The following CELF1 variants were observed in gnomAD, a reference collection of about 807,000 sequenced individuals.
CELF1 encodes the protein CUGBP Elav-like family member 1.
In CELF1, 10 loss-of-function variants were observed where a neutral mutation model predicts 61.8. The ratio of observed to expected loss-of-function variants is 0.16; its 90% CI spans 0.10 to 0.27. The LOEUF (loss-of-function observed/expected upper bound fraction) is 0.27, where lower values mean the gene tolerates loss of function less well. Among genes scored for constraint, CELF1 ranks in the 10% least tolerant of loss-of-function variants. The pLI is 1.00. For missense variants in CELF1, 380 were observed against 639.1 expected, an observed-to-expected ratio of 0.59 and a Z score of 4.37; for synonymous variants, 236 against 225.1, an observed-to-expected ratio of 1.05 and a Z score of -0.43.
At chr11:47,496,464 G>A (rs1003418288) in intron 3 of CELF1, among the ~76,000 whole-genome samples, 2 of 152,204 alleles carry the variant, frequency 1.3e-5, no homozygotes, top group African/African-American at 4.8e-5. Context: ...AGCAATATGT[G>A]CCCTTGAGGC....
intron 13 of CELF1, among the ~76,000 whole-genome samples, chr11:47,474,375 C>T (rs1015330681): frequency 1.3e-5 from 2 of 152,318 alleles, no homozygotes; most frequent in East Asian, 1.9e-4. Flanking sequence ...GCATGACTTG[C>T]TTCCTACTTC....
At chr11:47,563,837 A>G (rs1404046311) in intron 2 of CELF1, among the ~76,000 whole-genome samples, 2 of 152,160 alleles carry the variant, frequency 1.3e-5, no homozygotes, top group African/African-American at 4.8e-5. Context: ...TCTGGCCAAC[A>G]TGGTGAAACC....
intron 1 of CELF1, among the ~76,000 whole-genome samples, chr11:47,535,076 T>C (rs1298008247): frequency 6.6e-6 from 1 of 152,130 alleles, no homozygotes; most frequent in Admixed American, 6.6e-5. Context: ...AGCAAACTTA[T>C]ACCAGACAAA....
intron 14 of CELF1, 101 bp downstream of exon 14, chr11:47,472,987 C>A: frequency 7.3e-7 from 1 of 1,374,764 alleles, no homozygotes; most frequent in Non-Finnish European, 9.8e-7. Flanking sequence ...CAAGTTAAAA[C>A]AACACCACAA....
At chr11:47,477,459 A>G (rs1402122671) in intron 10 of CELF1, 34 bp from the exon 11 acceptor site, 7 of 1,608,940 alleles carry the variant, frequency 4.4e-6, no homozygotes, top group Non-Finnish European at 3.4e-6. Context: ...TAGCCAGCAG[A>G]TAAGGGTGCT....
intron 1 of CELF1, among the ~76,000 whole-genome samples, chr11:47,548,008 T>C (rs1337451049): frequency 6.6e-6 from 1 of 151,870 alleles, no homozygotes; most frequent in Non-Finnish European, 1.5e-5. Context: ...CACTTAAAAA[T>C]GGTTAAAACG....
rs907080175 is a variant in CELF1, at chr11:47,469,650, G to A, written c.*2580C>T. ...TACTGCTGTGCTAACTCACTGGGCA[G>A]GGGGAGGAGAGAACAGAGAAGTGCA... On this transcript the variant is annotated 3_prime_UTR_variant, in exon 15 of 15. Transcript: ENST00000687097. 1.3e-5 allele frequency: 2 copies of A among 152,382 alleles called. No individual in the cohort carries two copies. Among genetic ancestry groups the A allele is most frequent in the African/African-American group, 4.8e-5 (2 of 41,444 alleles). 9.4% of individuals were successfully genotyped at this position (152,382 alleles called of 1,614,324 possible).
intron 2 of CELF1, among the ~76,000 whole-genome samples, chr11:47,560,248 A>G (rs2097221095): frequency 6.6e-6 from 1 of 152,060 alleles, no homozygotes; most frequent in Non-Finnish European, 1.5e-5. Flanking sequence ...CCAAGATCAC[A>G]CCACTGCTCT....
chr11:47,500,500 C>A (rs930447993), intron 2 of CELF1, among the ~76,000 whole-genome samples: 1 of 151,944 alleles, frequency 6.6e-6, no homozygotes, highest in African/African-American at 2.4e-5. Flanking sequence ...AAACAAAGAA[C>A]AAAAGCCACT....
chr11:47,527,168 T>A (rs1163548451), intron 1 of CELF1, among the ~76,000 whole-genome samples: 10 of 151,924 alleles, frequency 6.6e-5, no homozygotes, highest in Admixed American at 2.6e-4. Context: ...GACATGCAAG[T>A]ATTCAACATG....
intron 10 of CELF1, 54 bp downstream of exon 10, chr11:47,478,823 G>T: frequency 7.2e-7 from 1 of 1,389,246 alleles, no homozygotes; most frequent in Non-Finnish European, 1.0e-6. Context: ...ACTGTTGTTA[G>T]CTGGGTCTGC....
At chr11:47,499,371 A>G in intron 3 of CELF1, 82 bp downstream of exon 3, 2 of 1,156,240 alleles carry the variant, frequency 1.7e-6, no homozygotes, top group Non-Finnish European at 2.4e-6. Context: ...CCCTTCTTAA[A>G]AAAAGGAACC....
intron 1 of CELF1, among the ~76,000 whole-genome samples, chr11:47,501,890 A>AC (rs1326775817): frequency 6.6e-6 from 1 of 152,160 alleles, no homozygotes. Flanking sequence ...TTTCAAGGTT[A>AC]TTGTGTTTTT....
At chr11:47,519,463 G>C (rs1389952663) in intron 1 of CELF1, among the ~76,000 whole-genome samples, 1 of 151,256 alleles carries the variant, frequency 6.6e-6, no homozygotes, top group East Asian at 1.9e-4. Flanking sequence ...CTGTGTGACA[G>C]AGCGAGACTC....
rs1452342174 is a variant in CELF1 at position 47,469,540 on chromosome 11, C to G, written c.*2690G>C. 3 of 152,302 alleles carry G rather than the reference C, an allele frequency of 2.0e-5. No homozygotes were observed. The highest frequency in any genetic ancestry group is 7.2e-5 in the African/African-American group (3 of 41,472). The allele number at this position is 152,302 out of a possible 1,614,324, so 9.4% of individuals were successfully genotyped here. A position where few individuals can be genotyped will look rare whatever the true frequency, so the allele number is the denominator to read the frequency against. ...GCGAGTCTCCACTCTGAGCTGAGCC[C>G]TTTCACACGTGAGACTTGTAGGGGA... On this transcript the variant is annotated 3_prime_UTR_variant, in exon 15 of 15. Transcript: ENST00000687097.
At chr11:47,554,388 AC>A (rs2097197150), upstream of CELF1, among the ~76,000 whole-genome samples, 1 of 152,158 alleles carries the variant, frequency 6.6e-6, no homozygotes, top group South Asian at 2.1e-4. Context: ...GAATGTTGTC[AC>A]AAATATTACC....
intron 1 of CELF1, among the ~76,000 whole-genome samples, chr11:47,541,690 G>T (rs200719802): frequency 2.3e-4 from 2 of 8,542 alleles, no homozygotes; most frequent in Non-Finnish European, 3.2e-4. Context: ...GACTGTCAAA[G>T]AAAGAAAGAA....
At position 47,544,703 on chromosome 11, in the gene CELF1, T is replaced by G. The variant is rs138013377; in HGVS notation, c.-154+8289A>C. 1.6e-4 allele frequency among the ~76,000 whole-genome samples: 24 copies of G among 152,294 alleles called. No homozygotes were observed. In the East Asian group the frequency reaches 4.6e-3, roughly 29 times the overall value. On this transcript the variant is annotated intron_variant, in intron 1 of 14. Transcript: ENST00000687097. ...GTGTTCTGGTAACTATAGGATTATA[T>G]TAATAGCAATCAACTTTGGGAGGCT...
chr11:47,499,621 A>C lies in CELF1; in HGVS notation c.-81-17T>G. On this transcript the variant is annotated splice_polypyrimidine_tract_variant and intron_variant, in intron 2 of 14. Transcript: ENST00000687097. ...TTTAGCTTCCTGGGCCCCACAAAAA[A>C]CACAAAGTGGAAACAGGAGCTCAGG... 1 of 952,770 alleles carries C rather than the reference A, an allele frequency of 1.0e-6. No individual in the cohort carries two copies. The highest frequency in any genetic ancestry group is 1.6e-6 in the Non-Finnish European group (1 of 629,798). 59.0% of individuals were successfully genotyped at this position (952,770 alleles called of 1,614,324 possible).
Sources: gnomAD v4.1 joint callset for allele counts (sites outside exome capture counted in the v4.1 genomes callset) on GRCh38, gnomAD v4.1.1 for gene constraint, MANE v1.5 for transcripts, NCBI Gene and HGNC (gene_info 2026-07-23, HGNC 2026-07-21) for gene names.